The following EXT1 variants were observed in gnomAD, a reference collection of about 807,000 sequenced individuals.
EXT1 encodes the protein exostosin glycosyltransferase 1.
EXT1 carries 20 observed loss-of-function variants against 82.5 expected under a neutral mutation model. That is an observed-to-expected ratio of 0.24 (90% confidence interval 0.17 to 0.35). EXT1 has a LOEUF of 0.35. Ranked by LOEUF, EXT1 falls within the 10% of genes least tolerant of loss-of-function variation. The pLI is 1.00. For missense variants in EXT1, 757 were observed against 936.5 expected, an observed-to-expected ratio of 0.81 and a Z score of 2.50; for synonymous variants, 348 against 350.8, an observed-to-expected ratio of 0.99 and a Z score of 0.09.
chr8:117,964,464 G>A (rs1201778194), intron 1 of EXT1, among the ~76,000 whole-genome samples: 1 of 152,184 alleles, frequency 6.6e-6, no homozygotes, highest in Non-Finnish European at 1.5e-5. Context: ...ACCCAAATAT[G>A]ATTTGTAGAA....
In EXT1 at chr8:117,899,437, C is replaced by T. The variant is rs544114470; in HGVS notation, c.963-62236G>A. Among the ~76,000 whole-genome samples the T allele has an allele frequency of 2.0e-5, 3 of 152,302 alleles. 1 individual carries two copies. The highest frequency in any genetic ancestry group is 4.1e-4 in the South Asian group (2 of 4,822). On this transcript the variant is annotated intron_variant, in intron 1 of 10. Coordinates refer to ENST00000378204, the MANE Select transcript of EXT1 (RefSeq NM_000127.3). ...CCATCACCAGAAAGGAGAGAAATCTCGTGTATAAATAATTAGGCAATCTCA... is the reference window on the plus strand; with the variant it reads ...CCATCACCAGAAAGGAGAGAAATCTTGTGTATAAATAATTAGGCAATCTCA...
chr8:117,866,344 G>C (rs1424335795), intron 1 of EXT1, among the ~76,000 whole-genome samples: 3 of 152,196 alleles, frequency 2.0e-5, no homozygotes, highest in Non-Finnish European at 4.4e-5. Flanking sequence ...CTGAGGCACA[G>C]AGAAGTTAAG....
intron 1 of EXT1, among the ~76,000 whole-genome samples, chr8:118,065,255 T>C (rs1363693109): frequency 6.6e-6 from 1 of 152,198 alleles, no homozygotes; most frequent in African/African-American, 2.4e-5. Flanking sequence ...TAAGCTTTTT[T>C]TCATATGTTT....
intron 1 of EXT1, among the ~76,000 whole-genome samples, chr8:117,869,807 TA>T (rs1311947552): frequency 1.3e-5 from 2 of 152,168 alleles, no homozygotes; most frequent in African/African-American, 2.4e-5. Flanking sequence ...TATTTATATT[TA>T]CATACACACA....
chr8:118,086,464 G>GC (rs1817421405), intron 1 of EXT1, among the ~76,000 whole-genome samples: 14 of 152,164 alleles, frequency 9.2e-5, no homozygotes, highest in Admixed American at 9.2e-4. Flanking sequence ...CACATCCACA[G>GC]ACTTCCTCTT....
intron 1 of EXT1, among the ~76,000 whole-genome samples, chr8:117,971,576 C>T (rs1182121607): frequency 6.6e-6 from 1 of 152,052 alleles, no homozygotes; most frequent in Non-Finnish European, 1.5e-5. Context: ...AGATTAAATT[C>T]GAAGTTTATA....
intron 1 of EXT1, among the ~76,000 whole-genome samples, chr8:117,858,766 A>AAGGAAGGAAGGC (rs1289892313): frequency 1.1e-3 from 59 of 54,662 alleles, no homozygotes; most frequent in African/African-American, 4.9e-3. Context: ...GGAAGGAAGG[A>AAGGAAGGAAGGC]AGGCAGGCAG....
chr8:117,944,391 C>CA (rs1159540503), intron 1 of EXT1, among the ~76,000 whole-genome samples: 1 of 149,908 alleles, frequency 6.7e-6, no homozygotes, highest in East Asian at 1.9e-4. Flanking sequence ...AGAGCGTCTC[C>CA]AAAAAAACAA....
Position 117,871,767 on chromosome 8 carries a change from A to G in EXT1, c.963-34566T>C, listed in dbSNP as rs144401942. 2.3e-3 allele frequency among the ~76,000 whole-genome samples: 344 copies of G among 152,090 alleles called. 2 individuals are homozygous for G. The highest frequency in any genetic ancestry group is 6.8e-3 in the Middle Eastern group (2 of 292). ...GGCACTCTGAGGCTTGTCTTCTAAA[A>G]CTGCTTCCACAGTATCCCCTAGGGT... On this transcript the variant is annotated intron_variant, in intron 1 of 10. Coordinates refer to ENST00000378204, the MANE Select transcript of EXT1 (RefSeq NM_000127.3).
chr8:117,833,746 T>G (rs1400533709), intron 3 of EXT1, among the ~76,000 whole-genome samples: 1 of 152,156 alleles, frequency 6.6e-6, no homozygotes, highest in Non-Finnish European at 1.5e-5. Flanking sequence ...AAATTATGGG[T>G]GGTGTTTTTT....
At chr8:118,108,059 G>C (rs377199647) in intron 1 of EXT1, among the ~76,000 whole-genome samples, 1 of 152,080 alleles carries the variant, frequency 6.6e-6, no homozygotes, top group Non-Finnish European at 1.5e-5. Flanking sequence ...TTCTTGGCCC[G>C]ATCACAAAGA....
intron 8 of EXT1, among the ~76,000 whole-genome samples, chr8:117,809,218 AATATATAT>A (rs71307404): frequency 7.4e-5 from 8 of 107,946 alleles, no homozygotes; most frequent in Admixed American, 1.1e-4. Flanking sequence ...TGTGTGTATA[AATATATAT>A]ATATATATAT....
intron 1 of EXT1, among the ~76,000 whole-genome samples, chr8:117,879,894 G>A (rs969684627): frequency 2.0e-5 from 3 of 152,164 alleles, no homozygotes; most frequent in African/African-American, 7.2e-5. Context: ...TATAAGGTGT[G>A]CTTTGGATGA....
intron 1 of EXT1, among the ~76,000 whole-genome samples, chr8:117,917,750 C>T (rs1813781308): frequency 6.6e-6 from 1 of 152,118 alleles, no homozygotes; most frequent in Admixed American, 6.5e-5. Flanking sequence ...TGAAGGTGTG[C>T]CTGGACAAGC....
intron 1 of EXT1, among the ~76,000 whole-genome samples, chr8:118,052,154 T>C (rs1234407738): frequency 6.6e-6 from 1 of 152,170 alleles, no homozygotes. Context: ...CAAACATGAT[T>C]AAAACCACTT....
chr8:117,808,397 T>C (rs1823267409), intron 8 of EXT1, among the ~76,000 whole-genome samples: 2 of 152,204 alleles, frequency 1.3e-5, no homozygotes, highest in South Asian at 2.1e-4. Context: ...GAAACTAAGA[T>C]ATAAGTTCAA....
At chr8:117,893,100 G>A (rs911694477) in intron 1 of EXT1, among the ~76,000 whole-genome samples, 2 of 152,208 alleles carry the variant, frequency 1.3e-5, no homozygotes, top group Non-Finnish European at 2.9e-5. Context: ...GAATGTATAG[G>A]TATATGTGCG....
intron 1 of EXT1, among the ~76,000 whole-genome samples, chr8:118,094,031 T>C (rs1190784133): frequency 2.0e-5 from 3 of 152,228 alleles, no homozygotes; most frequent in Non-Finnish European, 4.4e-5. Flanking sequence ...GCTACCTGGA[T>C]TGCTAGAAAA....
chr8:117,920,593 A>G (rs528935060), intron 1 of EXT1, among the ~76,000 whole-genome samples: 3 of 152,334 alleles, frequency 2.0e-5, no homozygotes, highest in African/African-American at 7.2e-5. Context: ...GGGAAGGAAG[A>G]GGGACTGCTG....
Sources: allele counts gnomAD v4.1 joint callset (sites outside exome capture counted in the v4.1 genomes callset), GRCh38; gene constraint gnomAD v4.1.1; transcripts MANE v1.5; gene names NCBI Gene and HGNC (gene_info 2026-07-23, HGNC 2026-07-21).